C8orf34: variants seen among roughly 807,000 people sequenced by gnomAD.
The protein encoded by C8orf34 is chromosome 8 open reading frame 34.
A neutral mutation model predicts 68.3 loss-of-function variants in C8orf34; 65 were observed. The ratio of observed to expected loss-of-function variants is 0.95; its 90% CI spans 0.78 to 1.17. The LOEUF is 1.17. C8orf34 is among the 50% of genes most tolerant of loss of function. The pLI is 0.00. For synonymous variants in C8orf34, 244 were observed against 241.2 expected (o/e 1.01, Z -0.11); for missense variants, 664 against 655.4 (o/e 1.01, Z -0.14).
intron 7 of C8orf34, among the ~76,000 whole-genome samples, chr8:68,542,074 C>T (rs940635907): frequency 1.3e-5 from 2 of 152,152 alleles, no homozygotes; most frequent in Non-Finnish European, 2.9e-5. Context: ...CAACCTAATA[C>T]AAGGTTACTT....
intron 7 of C8orf34, among the ~76,000 whole-genome samples, chr8:68,591,042 G>A (rs1423621318): frequency 6.6e-6 from 1 of 152,100 alleles, no homozygotes; most frequent in East Asian, 1.9e-4. Flanking sequence ...AACCTATGTC[G>A]ATTTGAGGCC....
At position 68,391,792 on chromosome 8, in the gene C8orf34, C is replaced by T. The variant is rs539173605; in HGVS notation, c.328-47707C>T. On this transcript the variant is annotated intron_variant, in intron 1 of 13. Coordinates refer to ENST00000518698, the MANE Select transcript of C8orf34 (RefSeq NM_052958.4). Reference sequence around the variant, plus strand: ...TGGCCAGCCACCACAGCAGAGGGACCGGAATATGACAGATCGTGCTCTGGC... The same window carrying T: ...TGGCCAGCCACCACAGCAGAGGGACTGGAATATGACAGATCGTGCTCTGGC... Among the ~76,000 whole-genome samples, 147 of 152,206 alleles carry T rather than the reference C, an allele frequency of 9.7e-4. No homozygotes were observed. In the Middle Eastern group the frequency reaches 0.01, roughly 11 times the overall value.
At chr8:68,788,911 G>T (rs887469651) in intron 12 of C8orf34, among the ~76,000 whole-genome samples, 3 of 152,016 alleles carry the variant, frequency 2.0e-5, no homozygotes, top group Non-Finnish European at 2.9e-5. Context: ...TGTACTTTAA[G>T]CAAGTACAAA....
At chr8:68,746,965 C>T (rs1312389396) in intron 10 of C8orf34, among the ~76,000 whole-genome samples, 3 of 150,512 alleles carry the variant, frequency 2.0e-5, no homozygotes, top group African/African-American at 4.9e-5. Flanking sequence ...CCTTGATGAA[C>T]ATTGATGCAA....
In C8orf34 at chr8:68,581,739, A is replaced by G. The variant is rs1222656947; in HGVS notation, c.1105+48590A>G. Among the ~76,000 whole-genome samples the G allele has an allele frequency of 2.6e-5, 4 of 152,140 alleles. No individual in the cohort carries two copies. In the East Asian group the frequency reaches 7.7e-4, roughly 29 times the overall value. On this transcript the variant is annotated intron_variant, in intron 7 of 13. Coordinates refer to ENST00000518698, the MANE Select transcript of C8orf34 (RefSeq NM_052958.4). ...TGGTCGCAGGCAGTGGAGTACAGCC[A>G]CTGCCACAGTTCACATTCCTGAAAC... is the stretch of plus-strand genomic sequence containing the variant.
chr8:68,530,656 T>C, intron 6 of C8orf34: 1 of 1,185,448 alleles, frequency 8.4e-7, no homozygotes, highest in Non-Finnish European at 1.1e-6. Flanking sequence ...TGAAGCTAAA[T>C]AAACTTCTTC....
intron 7 of C8orf34, among the ~76,000 whole-genome samples, chr8:68,553,002 A>T (rs1816125514): frequency 6.6e-6 from 1 of 151,914 alleles, no homozygotes; most frequent in Non-Finnish European, 1.5e-5. Flanking sequence ...TCTATAAGAG[A>T]TATTGTTGTT....
chr8:68,397,137 C>G (rs1388348067), intron 1 of C8orf34, among the ~76,000 whole-genome samples: 1 of 151,970 alleles, frequency 6.6e-6, no homozygotes, highest in Non-Finnish European at 1.5e-5. Context: ...TCTTGAGTAG[C>G]TGGGATTATA....
chr8:68,674,729 A>AGG (rs1166552503), intron 8 of C8orf34, among the ~76,000 whole-genome samples: 1 of 152,128 alleles, frequency 6.6e-6, no homozygotes, highest in Non-Finnish European at 1.5e-5. Flanking sequence ...GTTTATTCAA[A>AGG]GGGATAATAT....
chr8:68,668,501 C>G (rs1003427462), intron 8 of C8orf34, among the ~76,000 whole-genome samples: 6 of 152,068 alleles, frequency 3.9e-5, no homozygotes, highest in Admixed American at 1.3e-4. Flanking sequence ...AGTCTGATTC[C>G]TAGCAAATGT....
intron 5 of C8orf34, among the ~76,000 whole-genome samples, chr8:68,518,455 A>G (rs1229703036): frequency 6.6e-6 from 1 of 152,204 alleles, no homozygotes; most frequent in Admixed American, 6.5e-5. Context: ...TAGACTTAAT[A>G]CATTTAATGT....
At chr8:68,501,787 G>A (rs1362479814) in intron 5 of C8orf34, among the ~76,000 whole-genome samples, 2 of 152,124 alleles carry the variant, frequency 1.3e-5, no homozygotes, top group Admixed American at 6.5e-5. Flanking sequence ...ATTTATTCTG[G>A]GGAAAGTAAA....
At chr8:68,499,002 G>A (rs1395266886) in intron 5 of C8orf34, among the ~76,000 whole-genome samples, 1 of 152,086 alleles carries the variant, frequency 6.6e-6, no homozygotes, top group African/African-American at 2.4e-5. Flanking sequence ...ACTGAGGTTT[G>A]GGGTATGAAA....
intron 7 of C8orf34, among the ~76,000 whole-genome samples, chr8:68,572,677 ATTTT>A (rs1816791900): frequency 6.6e-6 from 1 of 151,912 alleles, no homozygotes; most frequent in African/African-American, 2.4e-5. Context: ...TCTTAAATGT[ATTTT>A]ACTCCTATTT....
At chr8:68,545,762 G>A (rs1347914876) in intron 7 of C8orf34, among the ~76,000 whole-genome samples, 1 of 152,064 alleles carries the variant, frequency 6.6e-6, no homozygotes, top group Non-Finnish European at 1.5e-5. Flanking sequence ...TGATACCAGA[G>A]GGAAAATCAG....
intron 7 of C8orf34, among the ~76,000 whole-genome samples, chr8:68,587,676 G>A (rs957007063): frequency 4.6e-5 from 7 of 152,090 alleles, no homozygotes; most frequent in African/African-American, 1.2e-4. Flanking sequence ...TGTTGAAAAT[G>A]TTAATATTTT....
At chr8:68,699,499 C>T (rs1585747855) in intron 8 of C8orf34, among the ~76,000 whole-genome samples, 1 of 152,012 alleles carries the variant, frequency 6.6e-6, no homozygotes, top group East Asian at 1.9e-4. Context: ...ATTGGAATGT[C>T]CCCAGGGTTG....
intron 1 of C8orf34, among the ~76,000 whole-genome samples, chr8:68,399,129 C>T (rs1170014463): frequency 6.6e-6 from 1 of 151,960 alleles, no homozygotes; most frequent in African/African-American, 2.4e-5. Flanking sequence ...CCAGTTAGTC[C>T]TAATAATAGT....
In C8orf34 at chr8:68,376,510, G is replaced by A. The variant is rs72664916; in HGVS notation, c.327+45171G>A. Among the ~76,000 whole-genome samples, 191 of 152,160 alleles carry A rather than the reference G, an allele frequency of 1.3e-3. 1 individual carries two copies. The highest frequency in any genetic ancestry group is 2.2e-3 in the Non-Finnish European group (152 of 68,008). On this transcript the variant is annotated intron_variant, in intron 1 of 13. Coordinates refer to ENST00000518698, the MANE Select transcript of C8orf34 (RefSeq NM_052958.4). ...AAATGATATAGGATGTGGCTGGACTGTAGTCGGACCCAGATAATCCGAAAC... is the reference window on the plus strand; with the variant it reads ...AAATGATATAGGATGTGGCTGGACTATAGTCGGACCCAGATAATCCGAAAC...
Sources: allele counts gnomAD v4.1 joint callset (sites outside exome capture counted in the v4.1 genomes callset), GRCh38; gene constraint gnomAD v4.1.1; transcripts MANE v1.5; gene names NCBI Gene and HGNC (gene_info 2026-07-23, HGNC 2026-07-21).